The following ADARB2 variants were observed in gnomAD, a reference collection of about 807,000 sequenced individuals.
ADARB2 encodes the protein inactive double-stranded RNA-specific editase B2.
Under a neutral mutation model 62.2 loss-of-function variants are expected in ADARB2, and 25 were observed. That is an observed-to-expected ratio of 0.40 (90% CI 0.29 to 0.56). ADARB2 has a LOEUF of 0.56. Among genes scored for constraint, ADARB2 ranks in the 20% least tolerant of loss-of-function variants. The pLI is 0.43. For synonymous variants in ADARB2, 572 were observed against 500.8 expected (o/e 1.14, Z -1.90); for missense variants, 1,071 against 1,077.4 (o/e 0.99, Z 0.08).
chr10:1,189,831 C>CAAAAT (rs1564215059), intron 8 of ADARB2, among the ~76,000 whole-genome samples: 18 of 95,922 alleles, frequency 1.9e-4, no homozygotes, highest in African/African-American at 5.5e-4. Flanking sequence ...CCCCAGAACA[C>CAAAAT]GTGGCGCTAC....
chr10:1,284,142 A>G (rs1831392568), intron 3 of ADARB2, among the ~76,000 whole-genome samples: 1 of 152,166 alleles, frequency 6.6e-6, no homozygotes, highest in Non-Finnish European at 1.5e-5. Context: ...AGACACGATT[A>G]TACCTGCCAG....
chr10:1,200,366 C>A lies in ADARB2; in HGVS notation c.1683-219G>T, dbSNP rs1396453646. On this transcript the variant is annotated intron_variant, in intron 7 of 9. Transcript: ENST00000381312. Reference sequence around the variant, plus strand: ...GGCTCCACAGGCCCATGTGTGCTAACAAATGCTGCTCTCTTTTCTGAAAAT... The same window carrying A: ...GGCTCCACAGGCCCATGTGTGCTAAAAAATGCTGCTCTCTTTTCTGAAAAT... 4.9e-6 allele frequency: 3 copies of A among 611,658 alleles called. No homozygotes were observed. The East Asian group carries it at 8.6e-5, about 18-fold the overall frequency. 37.9% of individuals were successfully genotyped at this position (611,658 alleles called of 1,614,324 possible).
intron 1 of ADARB2, among the ~76,000 whole-genome samples, chr10:1,634,333 C>A (rs189933291): frequency 2.0e-4 from 31 of 152,320 alleles, no homozygotes; most frequent in Non-Finnish European, 3.8e-4. Context: ...AAAACCACAG[C>A]GGTTGTTTTC....
At chr10:1,250,564 C>T (rs1412611199) in intron 4 of ADARB2, among the ~76,000 whole-genome samples, 1 of 152,250 alleles carries the variant, frequency 6.6e-6, no homozygotes, top group Non-Finnish European at 1.5e-5. Flanking sequence ...TTACAAGTGT[C>T]TGCTTCCCCC....
chr10:1,363,924 G>A lies in ADARB2; in HGVS notation c.188-7C>T, dbSNP rs1274330131. On this transcript the variant is annotated splice_region_variant and splice_polypyrimidine_tract_variant and intron_variant, in intron 2 of 9. Coordinates refer to ENST00000381312, the MANE Select transcript of ADARB2 (RefSeq NM_018702.4). ...ACCTCCGCGCTGCTGGTACCTGGAG[G>A]GGAGAACAGACCAGTCAGGAGCCTG... The A allele has an allele frequency of 2.1e-6, 3 of 1,459,052 alleles. No homozygotes were observed. The highest frequency in any genetic ancestry group is 1.8e-4 in the Middle Eastern group (1 of 5,448). 90.4% of individuals were successfully genotyped at this position (1,459,052 alleles called of 1,614,324 possible).
chr10:1,604,485 G>A (rs1833470466), intron 1 of ADARB2, among the ~76,000 whole-genome samples: 1 of 152,166 alleles, frequency 6.6e-6, no homozygotes, highest in Non-Finnish European at 1.5e-5. Flanking sequence ...AAGGGAGAGG[G>A]AGTGGATGGA....
intron 1 of ADARB2, among the ~76,000 whole-genome samples, chr10:1,677,324 G>A (rs1248123937): frequency 2.0e-5 from 3 of 152,212 alleles, no homozygotes; most frequent in East Asian, 1.9e-4. Flanking sequence ...TTTTAGGCTT[G>A]CAAGATGGAA....
intron 1 of ADARB2, among the ~76,000 whole-genome samples, chr10:1,481,817 A>G (rs571472663): frequency 6.7e-6 from 1 of 150,310 alleles, no homozygotes; most frequent in Admixed American, 6.7e-5. Context: ...AGATTGTGCC[A>G]CTGCACTCCA....
At chr10:1,451,071 C>A (rs1448542230) in intron 1 of ADARB2, among the ~76,000 whole-genome samples, 1 of 152,238 alleles carries the variant, frequency 6.6e-6, no homozygotes, top group Non-Finnish European at 1.5e-5. Flanking sequence ...TGGAAAATAA[C>A]CATGTCCTCA....
intron 1 of ADARB2, among the ~76,000 whole-genome samples, chr10:1,668,547 C>G (rs1158636624): frequency 6.6e-6 from 1 of 152,120 alleles, no homozygotes; most frequent in Non-Finnish European, 1.5e-5. Flanking sequence ...TGGGGCTGAT[C>G]GGCTCACTGG....
At chr10:1,296,445 G>GGTT (rs1831523752) in intron 3 of ADARB2, among the ~76,000 whole-genome samples, 1 of 152,192 alleles carries the variant, frequency 6.6e-6, no homozygotes. Context: ...GGCTACTGAT[G>GGTT]ATTCCATAAC....
intron 1 of ADARB2, among the ~76,000 whole-genome samples, chr10:1,544,054 C>T (rs1228548056): frequency 1.3e-5 from 2 of 150,338 alleles, no homozygotes; most frequent in Non-Finnish European, 3.0e-5. Flanking sequence ...ACCTCAGGGA[C>T]GTGATGAAAG....
chr10:1,619,718 G>A (rs1344016393), intron 1 of ADARB2, among the ~76,000 whole-genome samples: 2 of 152,226 alleles, frequency 1.3e-5, no homozygotes, highest in East Asian at 3.9e-4. Context: ...CCAAAGTGCT[G>A]GGATTACAGG....
At chr10:1,588,678 T>C (rs961242995) in intron 1 of ADARB2, among the ~76,000 whole-genome samples, 1 of 152,092 alleles carries the variant, frequency 6.6e-6, no homozygotes, top group Non-Finnish European at 1.5e-5. Flanking sequence ...CAGCCAGAAG[T>C]CAGGGAACAA....
chr10:1,317,560 C>A (rs374670852), intron 3 of ADARB2, among the ~76,000 whole-genome samples: 2 of 152,220 alleles, frequency 1.3e-5, no homozygotes, highest in Non-Finnish European at 2.9e-5. Context: ...TCTGGGAAGA[C>A]ATCCCTTTCT....
At chr10:1,493,662 T>C (rs1831649792) in intron 1 of ADARB2, among the ~76,000 whole-genome samples, 1 of 150,786 alleles carries the variant, frequency 6.6e-6, no homozygotes, top group Admixed American at 6.6e-5. Context: ...TGTGATCCTG[T>C]CTTTAATGTG....
At chr10:1,609,347 T>G (rs548595583) in intron 1 of ADARB2, among the ~76,000 whole-genome samples, 1 of 152,208 alleles carries the variant, frequency 6.6e-6, no homozygotes, top group Non-Finnish European at 1.5e-5. Context: ...AGCGGGTTTG[T>G]CTCCCTGATT....
chr10:1,404,478 A>T (rs1832689778), intron 1 of ADARB2, among the ~76,000 whole-genome samples: 1 of 152,226 alleles, frequency 6.6e-6, no homozygotes, highest in African/African-American at 2.4e-5. Flanking sequence ...ATGAGTGCGC[A>T]AGAACCAGCG....
intron 1 of ADARB2, among the ~76,000 whole-genome samples, chr10:1,428,131 C>A (rs1046332116): frequency 6.6e-6 from 1 of 151,594 alleles, no homozygotes; most frequent in Non-Finnish European, 1.5e-5. Flanking sequence ...CCACCACACC[C>A]GACTAATTTT....
Sources: allele counts gnomAD v4.1 joint callset (sites outside exome capture counted in the v4.1 genomes callset), GRCh38; gene constraint gnomAD v4.1.1; transcripts MANE v1.5; gene names NCBI Gene and HGNC (gene_info 2026-07-23, HGNC 2026-07-21).